Variants in ATP13A4 observed in about 807,000 individuals in gnomAD.
The protein encoded by ATP13A4 is probable cation-transporting ATPase 13A4.
ATP13A4 carries 114 observed loss-of-function variants against 142.5 expected under a neutral mutation model. That is an observed-to-expected ratio of 0.80 (90% CI 0.69 to 0.93). ATP13A4 has a LOEUF of 0.93. ATP13A4 is among the 40% of genes least tolerant of loss of function. The pLI, the probability that ATP13A4 is intolerant of heterozygous loss-of-function variation, is 0.00. For missense variants in ATP13A4, 1,392 were observed against 1,454.0 expected (o/e 0.96, Z 0.69); for synonymous variants, 488 against 514.8 (o/e 0.95, Z 0.70).
chr3:193,428,094 G>GA (rs1270686469), intron 25 of ATP13A4, among the ~76,000 whole-genome samples: 2 of 151,594 alleles, frequency 1.3e-5, no homozygotes, highest in African/African-American at 4.9e-5. Flanking sequence ...AAATTTACAA[G>GA]AAAAAAACAA....
At chr3:193,440,750 A>G (rs1241561370) in intron 20 of ATP13A4, 113 bp from the exon 21 acceptor site, 1 of 1,154,480 alleles carries the variant, frequency 8.7e-7, no homozygotes, top group Non-Finnish European at 1.3e-6. Context: ...GAAGAAAAAA[A>G]AAAGTTTCCA....
chr3:193,510,398 T>C (rs762700057), intron 2 of ATP13A4, among the ~76,000 whole-genome samples: 5 of 152,040 alleles, frequency 3.3e-5, no homozygotes, highest in Non-Finnish European at 5.9e-5. Context: ...ACACCACGGG[T>C]CTTTGACAAC....
At chr3:193,481,451 C>T (rs757406180) in intron 8 of ATP13A4, among the ~76,000 whole-genome samples, 2 of 152,154 alleles carry the variant, frequency 1.3e-5, no homozygotes, top group African/African-American at 4.8e-5. Flanking sequence ...AATACACTTA[C>T]CAGTTTCAGT....
At chr3:193,572,583 T>C (rs1724291673) in intron 2 of ATP13A4, among the ~76,000 whole-genome samples, 1 of 152,150 alleles carries the variant, frequency 6.6e-6, no homozygotes, top group South Asian at 2.1e-4. Flanking sequence ...TGTCTTAACA[T>C]TCAATCTGCG....
intron 9 of ATP13A4, among the ~76,000 whole-genome samples, chr3:193,467,699 T>C (rs1228858744): frequency 6.6e-6 from 1 of 152,112 alleles, no homozygotes; most frequent in Non-Finnish European, 1.5e-5. Flanking sequence ...AACTGATAAG[T>C]ATAATACAGT....
chr3:193,418,121 C>A (rs1423935871), intron 25 of ATP13A4, among the ~76,000 whole-genome samples: 5 of 15,794 alleles, frequency 3.2e-4, no homozygotes, highest in African/African-American at 5.5e-4. Flanking sequence ...GACTCCGTCT[C>A]AAAAAAAAAA....
chr3:193,521,537 G>A (rs1484743730), intron 1 of ATP13A4, among the ~76,000 whole-genome samples: 2 of 152,196 alleles, frequency 1.3e-5, no homozygotes, highest in African/African-American at 4.8e-5. Context: ...ACCTAATCGT[G>A]TATGGTTAGA....
intron 1 of ATP13A4, among the ~76,000 whole-genome samples, chr3:193,533,167 G>A (rs1022476951): frequency 1.8e-4 from 27 of 152,066 alleles, no homozygotes; most frequent in Admixed American, 7.9e-4. Flanking sequence ...ATTGCTTGAG[G>A]CCAAGAGTTC....
Position 193,466,160 on chromosome 3 carries a change from G to A in ATP13A4, c.1137C>T (p.Asp379=). 4 of 1,613,952 alleles carry A rather than the reference G, an allele frequency of 2.5e-6. No individual in the cohort carries two copies. Among genetic ancestry groups the A allele is most frequent in the Non-Finnish European group, 3.4e-6 (4 of 1,179,920 alleles). The change falls in exon 11 of 30, where the codon GAC becomes GAT. Residue 379 remains aspartate (D), a synonymous_variant. Transcript: ENST00000342695. Reference sequence around the variant, plus strand: ...TAGGGTAGAGAATGGATCTCACAAGGTCTCCCTTTGCAGTGTTGAATCCTG... The same window carrying A: ...TAGGGTAGAGAATGGATCTCACAAGATCTCCCTTTGCAGTGTTGAATCCTG... ...LQTGFNTAKG[D]LVRSILYPKP... is the part of the protein sequence containing the mutation.
intron 25 of ATP13A4, among the ~76,000 whole-genome samples, chr3:193,416,654 T>C (rs935487563): frequency 1.1e-4 from 17 of 151,646 alleles, no homozygotes; most frequent in South Asian, 2.1e-4. Context: ...GAAGGTAGGA[T>C]AGTTGAAAAT....
At chr3:193,429,218 A>G (rs1211480642) in intron 25 of ATP13A4, among the ~76,000 whole-genome samples, 2 of 152,124 alleles carry the variant, frequency 1.3e-5, no homozygotes, top group Admixed American at 1.3e-4. Context: ...AGAATGTAAA[A>G]TGATGCAGTC....
intron 27 of ATP13A4, among the ~76,000 whole-genome samples, 187 bp downstream of exon 27, chr3:193,411,991 T>C (rs1398019224): frequency 6.6e-6 from 1 of 152,200 alleles, no homozygotes; most frequent in Non-Finnish European, 1.5e-5. Flanking sequence ...GTATTTAATG[T>C]AGCTTTGAAG....
At chr3:193,438,088 T>G (rs953667749) in intron 23 of ATP13A4, among the ~76,000 whole-genome samples, 8 of 152,090 alleles carry the variant, frequency 5.3e-5, no homozygotes, top group African/African-American at 1.9e-4. Context: ...CACCTCGGCC[T>G]CCCAAAGTGC....
intron 25 of ATP13A4, among the ~76,000 whole-genome samples, chr3:193,431,271 T>C (rs1412823751): frequency 6.6e-6 from 1 of 151,586 alleles, no homozygotes; most frequent in African/African-American, 2.4e-5. Context: ...ATAATGATTA[T>C]ATTGAATATC....
chr3:193,519,582 C>T (rs959638101), intron 1 of ATP13A4, among the ~76,000 whole-genome samples: 1 of 150,356 alleles, frequency 6.7e-6, no homozygotes, highest in Non-Finnish European at 1.5e-5. Context: ...TCTCATGTGC[C>T]CTTTATAATA....
At chr3:193,508,789 T>C (rs114312405) in intron 2 of ATP13A4, among the ~76,000 whole-genome samples, 2,377 of 152,264 alleles carry the variant, frequency 0.016, 81 homozygotes, top group African/African-American at 0.055. Flanking sequence ...CTTTCTCAAC[T>C]GTGACATTCC....
rs141718227 is a variant in ATP13A4 at position 193,571,563 on chromosome 3, A to G, written n.291+10144T>C. Among the ~76,000 whole-genome samples, 473 of 152,292 alleles carry G rather than the reference A, an allele frequency of 3.1e-3. 3 individuals are homozygous for G. Among genetic ancestry groups the G allele is most frequent in the South Asian group, 5.6e-3 (27 of 4,824 alleles). ...GTGATGAAGGTTAATTTCAAAATTG[A>G]TATGTCATGCTGACAACATGGTGTG... On this transcript the variant is annotated intron_variant and non_coding_transcript_variant, in intron 2 of 3. Transcript: ENST00000489140.
intron 1 of ATP13A4, among the ~76,000 whole-genome samples, chr3:193,531,011 G>C (rs1162699647): frequency 6.6e-6 from 1 of 151,946 alleles, no homozygotes; most frequent in Non-Finnish European, 1.5e-5. Context: ...CAGTACCTTT[G>C]TACATTGTCT....
intron 1 of ATP13A4, among the ~76,000 whole-genome samples, chr3:193,591,086 C>T (rs775934848): frequency 5.9e-5 from 9 of 152,194 alleles, no homozygotes; most frequent in East Asian, 1.9e-4. Flanking sequence ...GTTTTTGAGA[C>T]GGAGTCTCGA....
Sources: gnomAD v4.1 joint callset for allele counts (sites outside exome capture counted in the v4.1 genomes callset) on GRCh38, gnomAD v4.1.1 for gene constraint, MANE v1.5 for transcripts, NCBI Gene and HGNC (gene_info 2026-07-23, HGNC 2026-07-21) for gene names.